EVC2: variants seen among roughly 807,000 people sequenced by gnomAD.
EVC2 encodes EvC ciliary complex subunit 2.
In EVC2, 148 loss-of-function variants were observed where a neutral mutation model predicts 149.3. The ratio of observed to expected loss-of-function variants is 0.99; its 90% confidence interval spans 0.87 to 1.14. EVC2 has a LOEUF of 1.14. EVC2 is among the 50% of genes most tolerant of loss of function. EVC2 has a pLI of 0.00. For missense variants in EVC2, 1,854 were observed against 1,627.3 expected, an observed-to-expected ratio of 1.14 and a Z score of -2.40; for synonymous variants, 776 against 649.9, an observed-to-expected ratio of 1.19 and a Z score of -2.95.
intron 16 of EVC2, among the ~76,000 whole-genome samples, chr4:5,610,965 A>AGTCACACAC (rs530813363): frequency 3.9e-5 from 6 of 152,000 alleles, no homozygotes; most frequent in Non-Finnish European, 5.9e-5. Flanking sequence ...GTCCTGAACA[A>AGTCACACAC]GTCACACAGC....
Position 5,618,499 on chromosome 4 carries a change from G to C in EVC2, c.2685C>G (p.Ala895=). 1 of 1,613,302 alleles carries C rather than the reference G, an allele frequency of 6.2e-7. No individual in the cohort carries two copies. The highest frequency in any genetic ancestry group is 8.5e-7 in the Non-Finnish European group (1 of 1,180,030). Residue 895 remains alanine (A), a synonymous_variant, in exon 15 of 22, where the codon GCC becomes GCG. Transcript: ENST00000344408. The surrounding 1 kb of genome is among the most constrained non-coding windows in gnomAD (Gnocchi z 4.4). ...REAEFVKLDQ[A]VAAPELQQQS... ...CTACCTGCAGCTCAGGGGCAGCCAC[G>C]GCCTGGTCCAGCTTCACGAACTCTG...
At chr4:5,609,385 GAGATGT>G (rs1372166817) in intron 16 of EVC2, among the ~76,000 whole-genome samples, 1 of 152,208 alleles carries the variant, frequency 6.6e-6, no homozygotes, top group Non-Finnish European at 1.5e-5. Context: ...CAAGTGCTAA[GAGATGT>G]AATCGATCAA....
At chr4:5,554,617 C>G (rs760222498) in intron 21 of EVC2, among the ~76,000 whole-genome samples, 38 of 152,210 alleles carry the variant, frequency 2.5e-4, no homozygotes, top group Non-Finnish European at 5.6e-4. Context: ...AGACATTTTC[C>G]TGGCTCCAGC....
downstream of EVC2, among the ~76,000 whole-genome samples, chr4:5,539,157 A>G (rs1721469199): frequency 6.6e-6 from 1 of 152,218 alleles, no homozygotes; most frequent in South Asian, 2.1e-4. Flanking sequence ...ATTTAGTAAT[A>G]AAAAACAGAA....
rs201878458 is a variant in EVC2 at position 5,663,262 on chromosome 4, G to T, written c.1006-16C>A. The stretch of plus-strand genomic sequence containing the variant: ...ACTGCCAAACCTTCAGGAGAATTGC[G>T]GAAATAATAATTGATTGGGCCTTCT... On this transcript the variant is annotated splice_polypyrimidine_tract_variant and intron_variant, in intron 8 of 21. Coordinates refer to ENST00000344408, the MANE Select transcript of EVC2 (RefSeq NM_147127.5). 1.2e-6 allele frequency: 2 copies of T among 1,613,772 alleles called. No individual in the cohort carries two copies. Among genetic ancestry groups the T allele is most frequent in the Non-Finnish European group, 8.5e-7 (1 of 1,179,816 alleles).
chr4:5,534,973 T>C, the EVC2 span, among the ~76,000 whole-genome samples: 1 of 152,114 alleles, frequency 6.6e-6, no homozygotes, highest in Admixed American at 6.5e-5. Context: ...TTTTGTCAGC[T>C]GTGAAGAAGC....
At chr4:5,635,940 T>C (rs1024519950) in intron 10 of EVC2, among the ~76,000 whole-genome samples, 3 of 152,198 alleles carry the variant, frequency 2.0e-5, no homozygotes, top group Admixed American at 2.0e-4. Flanking sequence ...CACCTTCAAG[T>C]AGAAAGAGTT....
intron 7 of EVC2, among the ~76,000 whole-genome samples, chr4:5,675,030 G>A (rs1403067919): frequency 6.6e-6 from 1 of 152,154 alleles, no homozygotes; most frequent in Non-Finnish European, 1.5e-5. Flanking sequence ...AGAGTGACAC[G>A]GGCCGCCACT....
intron 9 of EVC2, among the ~76,000 whole-genome samples, chr4:5,644,886 T>C (rs1411121510): frequency 6.6e-6 from 1 of 152,232 alleles, no homozygotes. Flanking sequence ...TTGAAAAACA[T>C]TCCATTGTGT....
At chr4:5,587,574 T>C (rs953078623) in intron 16 of EVC2, among the ~76,000 whole-genome samples, 1 of 152,192 alleles carries the variant, frequency 6.6e-6, no homozygotes, top group East Asian at 1.9e-4. Context: ...TTTTGTGTGG[T>C]TCTGTAGCGG....
At position 5,631,996 on chromosome 4, in the gene EVC2, G is replaced by A. The variant is rs1354561351; in HGVS notation, c.1507C>T (p.His503Tyr). 1.9e-6 allele frequency: 3 copies of A among 1,614,096 alleles called. No individual in the cohort carries two copies. The highest frequency in any genetic ancestry group is 2.7e-5 in the African/African-American group (2 of 74,944). The change falls in exon 11 of 22, where the codon CAT (histidine) becomes TAT (tyrosine). Residue 503 changes from histidine to tyrosine, a missense_variant. Coordinates refer to ENST00000344408, the MANE Select transcript of EVC2 (RefSeq NM_147127.5). The part of the protein sequence containing the change: ...VECSNLLRTL[H>Y]GLEQEHLRKS... ...CTCAAGTGCTCCTGTTCCAGGCCATGGAGGGTCCGCAGAAGGTTGCTGCAC... is the reference window on the plus strand; with the variant it reads ...CTCAAGTGCTCCTGTTCCAGGCCATAGAGGGTCCGCAGAAGGTTGCTGCAC...
chr4:5,708,427 G>C lies in EVC2; in HGVS notation c.87C>G (p.Gly29=). 1.3e-6 allele frequency: 2 copies of C among 1,504,346 alleles called. No individual in the cohort carries two copies. The highest frequency in any genetic ancestry group is 1.2e-5 in the South Asian group (1 of 80,950). The allele number at this position is 1,504,346 out of a possible 1,614,324, so 93.2% of individuals were successfully genotyped here. Residue 29 remains glycine (G), a synonymous_variant, in exon 1 of 22, where the codon GGC becomes GGG. Coordinates refer to ENST00000344408, the MANE Select transcript of EVC2 (RefSeq NM_147127.5). The part of the protein sequence containing the change: ...LAVALALGGR[G]CLGASSRPRW... ...GGGGACGTGAGCTGGCGCCGAGACA[G>C]CCTCGGCCCCCCAGCGCCAGGGCCA...
Position 5,633,304 on chromosome 4 carries a change from C to T in EVC2, c.1471-1272G>A, listed in dbSNP as rs1577185428. Among the ~76,000 whole-genome samples, 3 of 152,214 alleles carry T rather than the reference C, an allele frequency of 2.0e-5. No homozygotes were observed. On this transcript the variant is annotated intron_variant, in intron 10 of 21. Transcript: ENST00000344408. The surrounding 1 kb of genome is among the most constrained non-coding windows in gnomAD (Gnocchi z 4.4). ...GCTCAGCCAAGACCCTGATTGCCAGCCTGCAACATCCTGAGCATAGGTCAC... is the reference window on the plus strand; with the variant it reads ...GCTCAGCCAAGACCCTGATTGCCAGTCTGCAACATCCTGAGCATAGGTCAC...
chr4:5,540,863 G>A (rs2108754793), downstream of EVC2, among the ~76,000 whole-genome samples: 1 of 152,222 alleles, frequency 6.6e-6, no homozygotes, highest in African/African-American at 2.4e-5. Context: ...AAAATACAAT[G>A]TCTCACCCAT....
intron 21 of EVC2, among the ~76,000 whole-genome samples, chr4:5,548,854 C>T (rs1329113310): frequency 6.6e-6 from 1 of 151,974 alleles, no homozygotes; most frequent in East Asian, 1.9e-4. Context: ...TGTAGATGAC[C>T]CTCCAGGGAC....
Position 5,694,349 on chromosome 4 carries a change from T to C in EVC2, c.436A>G (p.Ile146Val), listed in dbSNP as rs1721324112. The change falls in exon 3 of 22, where the codon ATA becomes GTA. Residue 146 changes from isoleucine (I) to valine (V), a missense_variant. Physicochemically the swap from Ile to Val is conservative, Grantham distance 29. Transcript: ENST00000344408. ...TTAATACTTACCAGGCGGTGTGTTA[T>C]AGGAGACTCTCTTTTAAATAAGTTC... is the stretch of plus-strand genomic sequence containing the variant. ...KKNLFKRESPITHRLYGDISR... is the reference protein window; with the variant it reads ...KKNLFKRESPVTHRLYGDISR... 6.8e-6 allele frequency: 11 copies of C among 1,613,966 alleles called. No individual in the cohort carries two copies. The highest frequency in any genetic ancestry group is 4.5e-5 in the East Asian group (2 of 44,894).
At position 5,679,824 on chromosome 4, in the gene EVC2, T is replaced by C. The variant is rs932842673; in HGVS notation, c.870+1436A>G. Among the ~76,000 whole-genome samples the C allele has an allele frequency of 6.9e-6, 1 of 145,546 alleles. No homozygotes were observed. Among genetic ancestry groups the C allele is most frequent in the Non-Finnish European group, 1.5e-5 (1 of 65,262 alleles). ...CCCCTCCCTGTGACTTTATTACCTTTGTAATTTTTTTTTTAACATTTTGAC... is the reference window on the plus strand; with the variant it reads ...CCCCTCCCTGTGACTTTATTACCTTCGTAATTTTTTTTTTAACATTTTGAC... On this transcript the variant is annotated intron_variant, in intron 7 of 21. Transcript: ENST00000344408. The surrounding 1 kb of genome is among the most constrained non-coding windows in gnomAD (Gnocchi z 5.1).
chr4:5,552,343 A>T (rs1239696517), intron 21 of EVC2, among the ~76,000 whole-genome samples: 1 of 152,242 alleles, frequency 6.6e-6, no homozygotes, highest in Non-Finnish European at 1.5e-5. Context: ...TTTTATTTAA[A>T]GCTGAGCCAT....
downstream of EVC2, among the ~76,000 whole-genome samples, chr4:5,561,951 A>G (rs148252647): frequency 1.9e-3 from 296 of 152,208 alleles, 2 homozygotes; most frequent in Middle Eastern, 0.034. Flanking sequence ...TTGTAATTGT[A>G]TTATTTGCCC....
Sources: allele counts gnomAD v4.1 joint callset (sites outside exome capture counted in the v4.1 genomes callset), GRCh38; gene constraint gnomAD v4.1.1; non-coding constraint Gnocchi (gnomAD v3.1); transcripts MANE v1.5; gene names NCBI Gene and HGNC (gene_info 2026-07-23, HGNC 2026-07-21).